PDE7A: variants seen among roughly 807,000 people sequenced by gnomAD.
The protein encoded by PDE7A is high affinity 3',5'-cyclic-AMP phosphodiesterase 7A.
In PDE7A, 39 loss-of-function variants were observed where a neutral mutation model predicts 64.3. The ratio of observed to expected loss-of-function variants is 0.61; its 90% CI spans 0.47 to 0.79. The LOEUF is 0.79. Ranked by LOEUF, PDE7A falls within the 30% of genes least tolerant of loss-of-function variation. The pLI is 0.00. For missense variants in PDE7A, 470 were observed against 582.8 expected, an observed-to-expected ratio of 0.81 and a Z score of 1.99; for synonymous variants, 203 against 206.8, an observed-to-expected ratio of 0.98 and a Z score of 0.16.
intron 1 of PDE7A, among the ~76,000 whole-genome samples, chr8:65,784,244 A>G (rs1809491013): frequency 1.3e-5 from 2 of 152,156 alleles, no homozygotes; most frequent in African/African-American, 4.8e-5. Flanking sequence ...GCACCATGGG[A>G]TATTAACAAA....
At chr8:65,807,184 A>C (rs1810132851) in intron 1 of PDE7A, among the ~76,000 whole-genome samples, 1 of 152,172 alleles carries the variant, frequency 6.6e-6, no homozygotes, top group Non-Finnish European at 1.5e-5. Context: ...ACATTCTTCC[A>C]TTTATTTAGA....
chr8:65,787,104 C>T (rs1009961417), intron 1 of PDE7A, among the ~76,000 whole-genome samples: 1 of 152,136 alleles, frequency 6.6e-6, no homozygotes, highest in Admixed American at 6.5e-5. Flanking sequence ...TTTTAAGTGT[C>T]ATTGTTTTTA....
In PDE7A at chr8:65,781,056, A is replaced by G. The variant is rs545654058; in HGVS notation, c.200-1253T>C. 3 of 152,396 alleles carry G rather than the reference A, an allele frequency of 2.0e-5. 1 individual carries two copies. The South Asian group carries it at 6.2e-4, about 32-fold the overall frequency. 9.4% of individuals were successfully genotyped at this position (152,396 alleles called of 1,614,324 possible). A position where few individuals can be genotyped will look rare whatever the true frequency, so the allele number is the denominator to read the frequency against. On this transcript the variant is annotated intron_variant, in intron 2 of 12. Transcript: ENST00000401827. The stretch of plus-strand genomic sequence containing the variant: ...CTTATCTTTTTGTGTGATGACACAA[A>G]TAATAAATACCAAATTTCAGTCTAT...
At chr8:65,805,302 T>A (rs949024234) in intron 1 of PDE7A, among the ~76,000 whole-genome samples, 4 of 152,372 alleles carry the variant, frequency 2.6e-5, no homozygotes, top group African/African-American at 9.6e-5. Context: ...GAGGTAATGC[T>A]TCAAGTACAT....
chr8:65,775,556 CT>C (rs1809235557), intron 3 of PDE7A, among the ~76,000 whole-genome samples: 1 of 152,134 alleles, frequency 6.6e-6, no homozygotes, highest in African/African-American at 2.4e-5. Context: ...GTGGCCAGGC[CT>C]TTTTGTTTTC....
At chr8:65,775,226 A>G (rs183451689) in intron 3 of PDE7A, among the ~76,000 whole-genome samples, 1 of 152,282 alleles carries the variant, frequency 6.6e-6, no homozygotes, top group East Asian at 1.9e-4. Context: ...GCAAACAACC[A>G]GCTCTTAGTT....
intron 1 of PDE7A, among the ~76,000 whole-genome samples, chr8:65,839,675 ATATTTGC>A (rs1189980526): frequency 3.3e-5 from 5 of 152,208 alleles, no homozygotes; most frequent in African/African-American, 1.2e-4. Flanking sequence ...TAATTCTACA[ATATTTGC>A]TTCATCTGCC....
At chr8:65,737,493 A>G (rs1265210018) in intron 6 of PDE7A, among the ~76,000 whole-genome samples, 3 of 152,104 alleles carry the variant, frequency 2.0e-5, no homozygotes, top group Non-Finnish European at 4.4e-5. Context: ...ATTAGCAAAA[A>G]TGGTTATATT....
intron 3 of PDE7A, among the ~76,000 whole-genome samples, chr8:65,764,049 A>T (rs1204681090): frequency 6.6e-6 from 1 of 152,214 alleles, no homozygotes; most frequent in Non-Finnish European, 1.5e-5. Context: ...AAGTTTTTTT[A>T]AAAACTGCAC....
Position 65,724,767 on chromosome 8 carries a change from C to G in PDE7A, c.1065+10G>C, listed in dbSNP as rs1806539294. 2 of 1,594,248 alleles carry G rather than the reference C, an allele frequency of 1.3e-6. No homozygotes were observed. Among genetic ancestry groups the G allele is most frequent in the African/African-American group, 2.7e-5 (2 of 74,004 alleles). ...TCCTAGAAATAGAATGTTTCCAAGCCCCATTTTACCTGTAAAACCAAATGT... is the reference window on the plus strand; with the variant it reads ...TCCTAGAAATAGAATGTTTCCAAGCGCCATTTTACCTGTAAAACCAAATGT... On this transcript the variant is annotated intron_variant, in intron 10 of 12. Coordinates refer to ENST00000401827, the MANE Select transcript of PDE7A (RefSeq NM_001242318.3).
chr8:65,827,009 C>T (rs1373626360), intron 1 of PDE7A, among the ~76,000 whole-genome samples: 1 of 152,104 alleles, frequency 6.6e-6, no homozygotes, highest in African/African-American at 2.4e-5. Flanking sequence ...CTCATTGAAT[C>T]GAGGGTCTGT....
At chr8:65,742,028 T>A (rs1807459733) in intron 5 of PDE7A, among the ~76,000 whole-genome samples, 1 of 152,202 alleles carries the variant, frequency 6.6e-6, no homozygotes, top group South Asian at 2.1e-4. Context: ...AACTGAGGAT[T>A]ATAATACCAG....
At chr8:65,763,019 G>A (rs1808588690) in intron 3 of PDE7A, among the ~76,000 whole-genome samples, 1 of 151,124 alleles carries the variant, frequency 6.6e-6, no homozygotes, top group South Asian at 2.1e-4. Context: ...GTGTGTGTGT[G>A]TGTGTGTGTG....
intron 3 of PDE7A, among the ~76,000 whole-genome samples, chr8:65,757,065 C>G (rs537381528): frequency 6.6e-6 from 1 of 152,262 alleles, no homozygotes; most frequent in Non-Finnish European, 1.5e-5. Context: ...TCCCTGAATG[C>G]GGTCCTCTTG....
chr8:65,762,958 G>A (rs1469317542), intron 3 of PDE7A, among the ~76,000 whole-genome samples: 1 of 151,374 alleles, frequency 6.6e-6, no homozygotes, highest in Non-Finnish European at 1.5e-5. Context: ...GCAACATAGT[G>A]AGCCTCCATC....
At chr8:65,737,339 A>G (rs1807183473) in intron 6 of PDE7A, among the ~76,000 whole-genome samples, 2 of 152,114 alleles carry the variant, frequency 1.3e-5, no homozygotes, top group Admixed American at 1.3e-4. Context: ...AACAATGTGC[A>G]AAGTGGGGAT....
intron 1 of PDE7A, among the ~76,000 whole-genome samples, chr8:65,785,489 G>C (rs1809528758): frequency 5.3e-5 from 8 of 152,072 alleles, no homozygotes; most frequent in Admixed American, 5.2e-4. Context: ...CTCCTGCAGT[G>C]TTTCATGGTA....
At chr8:65,783,788 C>A (rs1056907811) in intron 1 of PDE7A, among the ~76,000 whole-genome samples, 1 of 152,106 alleles carries the variant, frequency 6.6e-6, no homozygotes, top group East Asian at 1.9e-4. Flanking sequence ...GGACTTATTG[C>A]AAATTAATAA....
chr8:65,782,855 A>AG lies in PDE7A; in HGVS notation c.139-13_139-12insC. On this transcript the variant is annotated splice_polypyrimidine_tract_variant and intron_variant, in intron 1 of 12. Transcript: ENST00000401827. ...ATAGCTCCACGCCTCTAGAAAAAAA[A>AG]ATACACATTATAATACATGACAATT... 6.7e-7 allele frequency: 1 copy of AG among 1,490,544 alleles called. No homozygotes were observed. Among genetic ancestry groups the AG allele is most frequent in the Non-Finnish European group, 9.3e-7 (1 of 1,071,446 alleles). 92.3% of individuals were successfully genotyped at this position (1,490,544 alleles called of 1,614,324 possible). A position where few individuals can be genotyped will look rare whatever the true frequency, so the allele number is the denominator to read the frequency against.
Sources: gnomAD v4.1 joint callset for allele counts (sites outside exome capture counted in the v4.1 genomes callset) on GRCh38, gnomAD v4.1.1 for gene constraint, MANE v1.5 for transcripts, NCBI Gene and HGNC (gene_info 2026-07-23, HGNC 2026-07-21) for gene names.